The following PDE4D variants were observed in gnomAD, a reference collection of about 807,000 sequenced individuals.
The protein encoded by PDE4D is 3',5'-cyclic-AMP phosphodiesterase 4D.
PDE4D carries 24 observed loss-of-function variants against 87.4 expected under a neutral mutation model. That is an observed-to-expected ratio of 0.27 (90% CI 0.20 to 0.39). The LOEUF is 0.39. Among genes scored for constraint, PDE4D ranks in the 10% least tolerant of loss-of-function variants. The pLI is 1.00. For synonymous variants in PDE4D, 384 were observed against 383.2 expected, an observed-to-expected ratio of 1.00 and a Z score of -0.02; for missense variants, 714 against 1,041.0, an observed-to-expected ratio of 0.69 and a Z score of 4.32.
At position 60,026,660 on chromosome 5, in the gene PDE4D, C is replaced by T. The variant is rs553756485; in HGVS notation, c.43-37943G>A. On this transcript the variant is annotated intron_variant, in intron 2 of 16. Coordinates refer to the PDE4D transcript ENST00000502484. ...ACCATGATAAGTCCATTAGCCATCCCCTCAGCTGTTTTCCCAGTTTTCACT... is the reference window on the plus strand; with the variant it reads ...ACCATGATAAGTCCATTAGCCATCCTCTCAGCTGTTTTCCCAGTTTTCACT... Among the ~76,000 whole-genome samples, 3 of 152,224 alleles carry T rather than the reference C, an allele frequency of 2.0e-5. No individual in the cohort carries two copies. The East Asian group carries it at 5.8e-4, about 29-fold the overall frequency.
At chr5:59,056,095 C>A (rs1055620876) in intron 5 of PDE4D, among the ~76,000 whole-genome samples, 5 of 152,128 alleles carry the variant, frequency 3.3e-5, no homozygotes, top group African/African-American at 9.7e-5. Flanking sequence ...CCATGCCCCG[C>A]CTCCACCTGG....
chr5:59,068,239 T>C (rs1174190854), intron 5 of PDE4D, among the ~76,000 whole-genome samples: 1 of 152,234 alleles, frequency 6.6e-6, no homozygotes, highest in African/African-American at 2.4e-5. Flanking sequence ...TTTCATTTGA[T>C]TTAACATGAT....
At chr5:59,931,680 C>T (rs969434792) in intron 3 of PDE4D, among the ~76,000 whole-genome samples, 2 of 146,976 alleles carry the variant, frequency 1.4e-5, no homozygotes, top group African/African-American at 2.5e-5. Context: ...TATACTGACA[C>T]TTTTCTTCTT....
intron 1 of PDE4D, among the ~76,000 whole-genome samples, chr5:60,503,675 T>C (rs1437524266): frequency 6.6e-6 from 1 of 152,194 alleles, no homozygotes; most frequent in Non-Finnish European, 1.5e-5. Flanking sequence ...CTATTGTATC[T>C]ACAACTTGTT....
At position 59,553,066 on chromosome 5, in the gene PDE4D, AT is replaced by A. The variant is rs375909063; in HGVS notation, c.456-337099del. 3.3e-3 allele frequency among the ~76,000 whole-genome samples: 509 copies of A among 152,036 alleles called. 2 individuals are homozygous for A. The highest frequency in any genetic ancestry group is 6.8e-3 in the Middle Eastern group (2 of 294). On this transcript the variant is annotated intron_variant, in intron 1 of 14. Coordinates refer to ENST00000340635, the MANE Select transcript of PDE4D (RefSeq NM_001104631.2). ...CTGTTTATTTAAAGCAATTTTTCTA[AT>A]TTTTTTTCTGACAGATATCGCTTTG...
At chr5:60,322,868 C>T (rs150207316) in intron 1 of PDE4D, among the ~76,000 whole-genome samples, 18 of 152,322 alleles carry the variant, frequency 1.2e-4, no homozygotes, top group South Asian at 8.3e-4. Context: ...AAATAGCTTT[C>T]GCTAAAGTTG....
chr5:59,111,296 T>A (rs1580849587), intron 5 of PDE4D, among the ~76,000 whole-genome samples: 2 of 152,320 alleles, frequency 1.3e-5, no homozygotes, highest in African/African-American at 4.8e-5. Flanking sequence ...TCCTGCAGAT[T>A]TTCAACTTGT....
chr5:60,457,471 T>C (rs1290345965), intron 1 of PDE4D, among the ~76,000 whole-genome samples: 2 of 152,222 alleles, frequency 1.3e-5, no homozygotes, highest in African/African-American at 4.8e-5. Context: ...TGAAGGATGT[T>C]TGGAAGTGTT....
At chr5:60,055,014 G>A (rs1470486887) in intron 2 of PDE4D, among the ~76,000 whole-genome samples, 1 of 151,666 alleles carries the variant, frequency 6.6e-6, no homozygotes, top group African/African-American at 2.4e-5. Flanking sequence ...CTAAGGAGAA[G>A]AAATAAAAAA....
At chr5:59,759,587 G>C (rs1214185336) in intron 1 of PDE4D, among the ~76,000 whole-genome samples, 1 of 152,130 alleles carries the variant, frequency 6.6e-6, no homozygotes, top group Non-Finnish European at 1.5e-5. Context: ...ATCTTCCTCA[G>C]GTCTTTTGAT....
At chr5:59,239,055 G>T (rs928215995) in intron 1 of PDE4D, among the ~76,000 whole-genome samples, 1 of 152,106 alleles carries the variant, frequency 6.6e-6, no homozygotes, top group Non-Finnish European at 1.5e-5. Context: ...CATGGGAGAG[G>T]GATGACAGAA....
At chr5:59,461,180 GT>G (rs1469490130) in intron 1 of PDE4D, among the ~76,000 whole-genome samples, 14 of 150,992 alleles carry the variant, frequency 9.3e-5, no homozygotes, top group Admixed American at 9.2e-4. Flanking sequence ...GAAATTTTAG[GT>G]AAAAAAAAAA....
intron 3 of PDE4D, among the ~76,000 whole-genome samples, chr5:59,975,425 C>T (rs987193509): frequency 6.6e-6 from 1 of 152,190 alleles, no homozygotes; most frequent in Non-Finnish European, 1.5e-5. Flanking sequence ...CTCAGTTATT[C>T]TAATTCACCT....
intron 5 of PDE4D, among the ~76,000 whole-genome samples, chr5:59,061,501 A>C (rs1198751709): frequency 6.6e-6 from 1 of 151,998 alleles, no homozygotes; most frequent in Non-Finnish European, 1.5e-5. Context: ...CTCGAGGCCC[A>C]CCTCTATGTG....
At chr5:60,202,208 C>T (rs1228061744) in intron 1 of PDE4D, among the ~76,000 whole-genome samples, 2 of 152,150 alleles carry the variant, frequency 1.3e-5, no homozygotes, top group African/African-American at 2.4e-5. Context: ...CAGGGTTTGG[C>T]TCTGTCACCC....
Position 59,181,573 on chromosome 5 carries a change from A to ATATAT in PDE4D, c.759-930_759-929insATATA, listed in dbSNP as rs1162609708. 1.6e-4 allele frequency among the ~76,000 whole-genome samples: 14 copies of ATATAT among 85,186 alleles called. 2 individuals are homozygous for ATATAT. Among genetic ancestry groups the ATATAT allele is most frequent in the African/African-American group, 5.0e-4 (8 of 16,156 alleles). 55.9% of individuals were successfully genotyped at this position (85,186 alleles called of 152,430 possible). A position where few individuals can be genotyped will look rare whatever the true frequency, so the allele number is the denominator to read the frequency against. On this transcript the variant is annotated intron_variant, in intron 4 of 14. Transcript: ENST00000340635. Reference sequence around the variant, plus strand: ...ATATATATATATATATATATATATTAGGTATATAATAATTATATATATATT... The same window carrying ATATAT: ...ATATATATATATATATATATATATTATATATGGTATATAATAATTATATATATATT...
intron 1 of PDE4D, among the ~76,000 whole-genome samples, chr5:59,357,271 T>G (rs373735106): frequency 1.4e-4 from 21 of 152,328 alleles, no homozygotes; most frequent in East Asian, 1.2e-3. Context: ...TTAAAAAATG[T>G]AAACCCACAG....
intron 1 of PDE4D, among the ~76,000 whole-genome samples, chr5:60,322,367 T>TAC (rs60232413): frequency 0.2 from 26,809 of 132,182 alleles, 2,581 homozygotes; most frequent in Non-Finnish European, 0.24. Flanking sequence ...TGGACACACA[T>TAC]ACACACACAC....
At chr5:58,976,122 GTGTT>G (rs914047406) in intron 13 of PDE4D, among the ~76,000 whole-genome samples, 11 of 152,148 alleles carry the variant, frequency 7.2e-5, no homozygotes, top group Admixed American at 6.6e-5. Flanking sequence ...GTTCTGTGGG[GTGTT>G]TGTTTGTTAG....
Sources: gnomAD v4.1 joint callset for allele counts (sites outside exome capture counted in the v4.1 genomes callset) on GRCh38, gnomAD v4.1.1 for gene constraint, MANE v1.5 for transcripts, NCBI Gene and HGNC (gene_info 2026-07-23, HGNC 2026-07-21) for gene names.